Variants in CCDC3 observed in about 807,000 individuals in gnomAD.
The protein encoded by CCDC3 is coiled-coil domain-containing protein 3.
Under a neutral mutation model 21.4 loss-of-function variants are expected in CCDC3, and 24 were observed. The observed-to-expected ratio is 1.12, with a 90% CI of 0.81 to 1.58. The LOEUF (loss-of-function observed/expected upper bound fraction) is 1.58. Ranked by LOEUF, CCDC3 falls within the 40% of genes most tolerant of loss-of-function variation. The pLI is 0.00. For missense variants in CCDC3, 425 were observed against 360.9 expected, an observed-to-expected ratio of 1.18 and a Z score of -1.44; for synonymous variants, 186 against 166.0, an observed-to-expected ratio of 1.12 and a Z score of -0.93.
intron 2 of CCDC3, among the ~76,000 whole-genome samples, chr10:12,970,870 A>G (rs570615289): frequency 6.8e-6 from 1 of 146,546 alleles, no homozygotes; most frequent in East Asian, 2.0e-4. Flanking sequence ...AGCCTGGGCG[A>G]CAGAGCAAGA....
intron 5 of CCDC3, among the ~76,000 whole-genome samples, chr10:13,044,367 G>C (rs577466150): frequency 6.6e-6 from 1 of 152,274 alleles, no homozygotes; most frequent in Admixed American, 6.5e-5. Flanking sequence ...GATCCCATTT[G>C]TCAATTTTTG....
chr10:12,952,118 C>G (rs1174669748), intron 2 of CCDC3, among the ~76,000 whole-genome samples: 1 of 152,118 alleles, frequency 6.6e-6, no homozygotes, highest in Non-Finnish European at 1.5e-5. Context: ...TGATCGTGCC[C>G]AAATCAGGTG....
intron 4 of CCDC3, among the ~76,000 whole-genome samples, chr10:13,060,905 T>C (rs930947899): frequency 6.6e-6 from 1 of 152,176 alleles, no homozygotes; most frequent in Non-Finnish European, 1.5e-5. Flanking sequence ...ACGGAGGTGT[T>C]GATATAAAAA....
chr10:12,914,447 C>A (rs1834318258), intron 2 of CCDC3, among the ~76,000 whole-genome samples: 2 of 151,804 alleles, frequency 1.3e-5, no homozygotes, highest in Admixed American at 1.3e-4. Context: ...CTGATTTTAT[C>A]TTTTGTTTTT....
intron 5 of CCDC3, among the ~76,000 whole-genome samples, chr10:13,018,128 G>A (rs373776771): frequency 4.6e-5 from 7 of 152,018 alleles, no homozygotes; most frequent in African/African-American, 1.7e-4. Flanking sequence ...AAGCTCCAGA[G>A]GGCTGGGAGA....
chr10:13,034,899 G>T (rs1212714654), intron 5 of CCDC3, among the ~76,000 whole-genome samples: 1 of 152,046 alleles, frequency 6.6e-6, no homozygotes, highest in East Asian at 1.9e-4. Context: ...GTTGGCGGAT[G>T]CCTGTAATCC....
intron 5 of CCDC3, among the ~76,000 whole-genome samples, chr10:13,019,058 C>G (rs1019600378): frequency 6.6e-6 from 1 of 151,936 alleles, no homozygotes; most frequent in South Asian, 2.1e-4. Flanking sequence ...ACGGTGAAAC[C>G]CCGTCTCTAC....
At chr10:12,923,265 C>A (rs997721597) in intron 2 of CCDC3, among the ~76,000 whole-genome samples, 1 of 152,186 alleles carries the variant, frequency 6.6e-6, no homozygotes, top group Non-Finnish European at 1.5e-5. Flanking sequence ...TGCTCAGAAA[C>A]CTTCAAAGGC....
chr10:13,046,389 G>C (rs992239851), intron 5 of CCDC3, among the ~76,000 whole-genome samples: 2 of 147,044 alleles, frequency 1.4e-5, no homozygotes, highest in Admixed American at 6.8e-5. Context: ...CTGGGCAACA[G>C]AGCAAGACCC....
rs562065512 is a variant in CCDC3 at position 13,012,501 on chromosome 10, G to A, written c.-1-13989C>T. On this transcript the variant is annotated intron_variant, in intron 5 of 6. Coordinates refer to the CCDC3 transcript ENST00000378839. ...ACCACAACATTATACCATCTCGCAC[G>A]AGTCTGAATGGCTATTATTTAAAAA... is the stretch of plus-strand genomic sequence containing the variant. 1.2e-4 allele frequency among the ~76,000 whole-genome samples: 18 copies of A among 152,186 alleles called. No homozygotes were observed. In the South Asian group the frequency reaches 3.5e-3, roughly 30 times the overall value.
At chr10:13,067,157 C>G (rs368269390) in intron 4 of CCDC3, among the ~76,000 whole-genome samples, 2 of 152,206 alleles carry the variant, frequency 1.3e-5, no homozygotes, top group Non-Finnish European at 2.9e-5. Flanking sequence ...CAGGCACCTG[C>G]GAGATAGACT....
chr10:12,988,825 A>C (rs1835638601), intron 2 of CCDC3, among the ~76,000 whole-genome samples: 1 of 152,140 alleles, frequency 6.6e-6, no homozygotes. Flanking sequence ...GTAGGTGTTT[A>C]GTAAATATAT....
At chr10:12,938,404 A>G (rs945239309) in intron 2 of CCDC3, among the ~76,000 whole-genome samples, 5 of 152,218 alleles carry the variant, frequency 3.3e-5, no homozygotes, top group African/African-American at 1.2e-4. Flanking sequence ...GGCTTCAGCT[A>G]CTTTCTCCTG....
intron 1 of CCDC3, among the ~76,000 whole-genome samples, chr10:12,999,556 G>T (rs1835814581): frequency 6.6e-6 from 1 of 152,154 alleles, no homozygotes; most frequent in African/African-American, 2.4e-5. Context: ...TAACAGAGAA[G>T]GAATGATTTG....
At chr10:12,959,443 C>T (rs181807259) in intron 2 of CCDC3, among the ~76,000 whole-genome samples, 35 of 152,162 alleles carry the variant, frequency 2.3e-4, no homozygotes, top group Non-Finnish European at 3.2e-4. Context: ...GCTGGGATTA[C>T]AGTCATGAGG....
chr10:13,041,714 C>T (rs1588401874), intron 5 of CCDC3, among the ~76,000 whole-genome samples: 2 of 151,808 alleles, frequency 1.3e-5, no homozygotes, highest in Middle Eastern at 3.4e-3. Context: ...TCTCGAACTC[C>T]TGACCTCAAG....
At chr10:13,095,813 T>C (rs1234287257) in intron 3 of CCDC3, among the ~76,000 whole-genome samples, 1 of 152,220 alleles carries the variant, frequency 6.6e-6, no homozygotes, top group Non-Finnish European at 1.5e-5. Flanking sequence ...AAATGTATGA[T>C]TCATGGCTTT....
intron 4 of CCDC3, among the ~76,000 whole-genome samples, chr10:13,065,949 C>G (rs984367220): frequency 6.6e-6 from 1 of 152,118 alleles, no homozygotes; most frequent in Non-Finnish European, 1.5e-5. Context: ...AATGAGTGAA[C>G]GAATGAGTGG....
chr10:12,990,276 A>ATT (rs1182148107), intron 2 of CCDC3, among the ~76,000 whole-genome samples: 1 of 152,022 alleles, frequency 6.6e-6, no homozygotes, highest in African/African-American at 2.4e-5. Context: ...AAAAAAAAAA[A>ATT]AAAAGAATGT....
Sources: allele counts gnomAD v4.1 joint callset (sites outside exome capture counted in the v4.1 genomes callset), GRCh38; gene constraint gnomAD v4.1.1; transcripts MANE v1.5; gene names NCBI Gene and HGNC (gene_info 2026-07-23, HGNC 2026-07-21).